PRRC2B: variants seen among roughly 807,000 people sequenced by gnomAD.
PRRC2B encodes the protein protein PRRC2B.
Under a neutral mutation model 242.3 loss-of-function variants are expected in PRRC2B, and 68 were observed. That is an observed-to-expected ratio of 0.28 (90% CI 0.23 to 0.34). PRRC2B has a LOEUF of 0.34. Among genes scored for constraint, PRRC2B ranks in the 10% least tolerant of loss-of-function variants. The probability of loss-of-function intolerance (pLI) is 1.00; values close to 1 mark genes in which losing one functional copy is unlikely to be tolerated. For synonymous variants in PRRC2B, 1,228 were observed against 1,173.6 expected, an observed-to-expected ratio of 1.05 and a Z score of -0.95; for missense variants, 2,835 against 2,954.8, an observed-to-expected ratio of 0.96 and a Z score of 0.94.
At chr9:131,411,587 C>T (rs1422971293) in intron 1 of PRRC2B, among the ~76,000 whole-genome samples, 5 of 151,986 alleles carry the variant, frequency 3.3e-5, no homozygotes, top group Non-Finnish European at 7.4e-5. Flanking sequence ...TCGTGATCCG[C>T]CCGCCTCGGC....
chr9:131,448,557 A>AAAAACAAAAAAAAC (rs1838898678), intron 9 of PRRC2B, among the ~76,000 whole-genome samples: 1 of 143,150 alleles, frequency 7.0e-6, no homozygotes, highest in African/African-American at 2.5e-5. Flanking sequence ...AAAAAAAAAA[A>AAAAACAAAAAAAAC]AAAAAAAAAA....
intron 1 of PRRC2B, among the ~76,000 whole-genome samples, chr9:131,422,680 A>T (rs1245393906): frequency 6.6e-6 from 1 of 152,192 alleles, no homozygotes; most frequent in East Asian, 1.9e-4. Context: ...CCTCTGGTGG[A>T]CAGATAGCAG....
chr9:131,476,732 AC>A (rs1345195211), intron 16 of PRRC2B, among the ~76,000 whole-genome samples, 197 bp downstream of exon 16: 3 of 118,674 alleles, frequency 2.5e-5, no homozygotes, highest in African/African-American at 9.4e-5. Context: ...TAGAGCTCCC[AC>A]CCCCACCCCC....
chr9:131,465,916 G>A (rs1258766604), intron 12 of PRRC2B, among the ~76,000 whole-genome samples: 2 of 152,132 alleles, frequency 1.3e-5, no homozygotes, highest in African/African-American at 4.8e-5. Context: ...GTAGAGACAG[G>A]GTTTCGCCAT....
At chr9:131,374,007 C>T (rs962963498) in intron 1 of PRRC2B, among the ~76,000 whole-genome samples, 1 of 146,340 alleles carries the variant, frequency 6.8e-6, no homozygotes, top group Non-Finnish European at 1.5e-5. Context: ...TGCAGTGAGC[C>T]GAGATTGCGC....
In PRRC2B at chr9:131,464,883, C is replaced by T; in HGVS notation, c.1525C>T (p.Arg509Cys). ...CGAGGCGGTGGAGCGAGCCCGAAAG[C>T]GCCGGGAAGAAGAGGAGCGCCGAGC... The part of the protein sequence containing the change: ...MSEAVERARK[R>C]REEEERRARE... Residue 509 changes from arginine to cysteine, a missense_variant, in exon 12 of 32, where the codon CGC (arginine) becomes TGC (cysteine). Arg to Cys is a radical substitution (Grantham distance 180, BLOSUM62 -3). Around this residue, in one of 7 missense-constraint regions of PRRC2B, gnomAD observed 626 missense variants for 685.5 expected, o/e 0.91. Transcript: ENST00000683519. 1.2e-6 allele frequency: 2 copies of T among 1,613,476 alleles called. No individual in the cohort carries two copies. Among genetic ancestry groups the T allele is most frequent in the Non-Finnish European group, 1.7e-6 (2 of 1,179,754 alleles).
chr9:131,466,175 G>C (rs1943390564), intron 12 of PRRC2B, among the ~76,000 whole-genome samples: 1 of 152,218 alleles, frequency 6.6e-6, no homozygotes, highest in Admixed American at 6.5e-5. Flanking sequence ...GGATGTTTGA[G>C]GCTCTGAAAG....
chr9:131,390,323 G>A (rs1011670060), upstream of PRRC2B, among the ~76,000 whole-genome samples: 39 of 149,946 alleles, frequency 2.6e-4, 3 homozygotes, highest in Admixed American at 2.3e-3. Context: ...ATGAACGGAC[G>A]AACTTTGATT....
rs1161871680 is a variant in PRRC2B, at chr9:131,498,136, TAAAAAC to T, written c.*2268_*2273del. On this transcript the variant is annotated 3_prime_UTR_variant, in exon 32 of 32. Transcript: ENST00000683519. ...ACAGTACTTGCTGTTTGAGAAAAAA[TAAAAAC>T]AAAAAGGTCACCTGTTCTCCAGCCC... The T allele has an allele frequency of 6.6e-6, 1 of 152,006 alleles. No homozygotes were observed. The highest frequency in any genetic ancestry group is 2.4e-5 in the African/African-American group (1 of 41,376). The allele number at this position is 152,006 out of a possible 1,614,324, so 9.4% of individuals were successfully genotyped here.
intron 12 of PRRC2B, among the ~76,000 whole-genome samples, chr9:131,465,614 G>T (rs1050179388): frequency 3.3e-5 from 5 of 152,168 alleles, no homozygotes; most frequent in African/African-American, 9.7e-5. Context: ...TCAAAGACAC[G>T]TGTGCTCTAG....
In PRRC2B at chr9:131,479,358, G is replaced by C. The variant is rs1377797945; in HGVS notation, c.4865G>C (p.Ser1622Thr). The change falls in exon 19 of 32, where the codon AGC becomes ACC. Residue 1622 changes from serine to threonine, a missense_variant. Ser to Thr is a moderately conservative substitution (Grantham distance 58). Around this residue, in one of 7 missense-constraint regions of PRRC2B, gnomAD observed 1,536 missense variants for 1,483.1 expected, o/e 1.04. Transcript: ENST00000683519. Reference sequence around the variant, plus strand: ...GGTGACGTGACCGTGCCTGGCAGCAGCCTGGGCACTGAGATCTGGGAGAGC... The same window carrying C: ...GGTGACGTGACCGTGCCTGGCAGCACCCTGGGCACTGAGATCTGGGAGAGC... ...EQGDVTVPGS[S>T]LGTEIWESSS... 4 of 1,613,804 alleles carry C rather than the reference G, an allele frequency of 2.5e-6. No homozygotes were observed. The highest frequency in any genetic ancestry group is 3.4e-6 in the Non-Finnish European group (4 of 1,179,866).
At chr9:131,445,492 C>T (rs1195733970) in intron 6 of PRRC2B, among the ~76,000 whole-genome samples, 1 of 152,228 alleles carries the variant, frequency 6.6e-6, no homozygotes. Flanking sequence ...CGAATTATGT[C>T]TTTCTGGGGT....
chr9:131,405,495 G>C (rs1269378201), intron 1 of PRRC2B, among the ~76,000 whole-genome samples: 1 of 152,114 alleles, frequency 6.6e-6, no homozygotes, highest in African/African-American at 2.4e-5. Flanking sequence ...GATAGTGGCT[G>C]TTGTGCATAT....
intron 11 of PRRC2B, among the ~76,000 whole-genome samples, chr9:131,463,168 G>T (rs942823478): frequency 6.6e-6 from 1 of 152,120 alleles, no homozygotes; most frequent in African/African-American, 2.4e-5. Flanking sequence ...AAAGGAAACT[G>T]CACGCTTCGG....
chr9:131,494,479 T>C lies in PRRC2B; in HGVS notation c.6548T>C (p.Val2183Ala). ...ATGGGCTCTGTGCAGGGACACTACG[T>C]GCAACAGGTAGAAGATGGCTTTCCA... ...VNMGSVQGHY[V>A]QQAKQRVDEK... The change falls in exon 31 of 32, where the codon GTG becomes GCG. Residue 2183 changes from valine (V) to alanine (A), a missense_variant. Around this residue, in one of 7 missense-constraint regions of PRRC2B, gnomAD observed 574 missense variants for 626.0 expected, o/e 0.92. Coordinates refer to ENST00000683519, the MANE Select transcript of PRRC2B (RefSeq NM_013318.4). This position sits in a 1 kb window ranked among gnomAD's most constrained non-coding sequence, Gnocchi z 4.3. 6.3e-7 allele frequency: 1 copy of C among 1,583,076 alleles called. No homozygotes were observed. The highest frequency in any genetic ancestry group is 8.7e-7 in the Non-Finnish European group (1 of 1,155,492).
At chr9:131,447,280 T>C in intron 8 of PRRC2B, 74 bp downstream of exon 8, 1 of 1,560,970 alleles carries the variant, frequency 6.4e-7, no homozygotes, top group Non-Finnish European at 8.7e-7. Context: ...GAGGGGCTGA[T>C]GAATAGAAGT....
At chr9:131,429,323 C>T (rs1371471059) in intron 1 of PRRC2B, among the ~76,000 whole-genome samples, 2 of 152,142 alleles carry the variant, frequency 1.3e-5, no homozygotes, top group African/African-American at 4.8e-5. Flanking sequence ...CTAGTAGACT[C>T]ATGGACACCT....
chr9:131,491,620 C>A (rs751902370), intron 29 of PRRC2B, 40 bp downstream of exon 29: 16 of 1,539,464 alleles, frequency 1.0e-5, no homozygotes, highest in Non-Finnish European at 1.2e-5. Context: ...AGGGAGGGGG[C>A]CTTGTGTCAC....
chr9:131,454,674 C>T (rs192254507), intron 9 of PRRC2B, among the ~76,000 whole-genome samples: 49 of 151,546 alleles, frequency 3.2e-4, no homozygotes, highest in African/African-American at 1.2e-3. Context: ...CTCGCTCTGT[C>T]GCCCAGGCTG....
Sources: allele counts gnomAD v4.1 joint callset (sites outside exome capture counted in the v4.1 genomes callset), GRCh38; gene constraint gnomAD v4.1.1; regional missense constraint gnomAD v4.1.1; non-coding constraint Gnocchi (gnomAD v3.1); transcripts MANE v1.5; gene names NCBI Gene and HGNC (gene_info 2026-07-23, HGNC 2026-07-21).